RUNX1T1: variants seen among roughly 807,000 people sequenced by gnomAD.
RUNX1T1 encodes the protein protein CBFA2T1.
RUNX1T1 carries 4 observed loss-of-function variants against 62.8 expected under a neutral mutation model. The ratio of observed to expected loss-of-function variants is 0.06; its 90% CI spans 0.03 to 0.15. The LOEUF is 0.15. RUNX1T1 is among the 10% of genes least tolerant of loss of function. The pLI is 1.00. For synonymous variants in RUNX1T1, 291 were observed against 286.0 expected, an observed-to-expected ratio of 1.02 and a Z score of -0.18; for missense variants, 508 against 754.3, an observed-to-expected ratio of 0.67 and a Z score of 3.82.
At chr8:91,995,458 C>A (rs565302336) in intron 5 of RUNX1T1, among the ~76,000 whole-genome samples, 1 of 152,274 alleles carries the variant, frequency 6.6e-6, no homozygotes, top group Admixed American at 6.5e-5. Context: ...AAGCTCATCA[C>A]CTCATAAGGA....
At chr8:92,037,282 A>G (rs1295705717) in intron 1 of RUNX1T1, among the ~76,000 whole-genome samples, 1 of 152,210 alleles carries the variant, frequency 6.6e-6, no homozygotes, top group East Asian at 1.9e-4. Flanking sequence ...AACTAAGTGA[A>G]AGAAATGTTC....
chr8:92,091,319 G>A (rs1836971891), intron 1 of RUNX1T1, among the ~76,000 whole-genome samples: 1 of 152,180 alleles, frequency 6.6e-6, no homozygotes, highest in Non-Finnish European at 1.5e-5. Flanking sequence ...AACTATTAAA[G>A]GAGATGATTT....
At chr8:91,956,157 A>AT (rs1415837636), downstream of RUNX1T1, 1 of 230,178 alleles carries the variant, frequency 4.3e-6, no homozygotes, top group Non-Finnish European at 8.6e-6. Flanking sequence ...CTCATTTCTA[A>AT]TTTTATCAAA....
intron 1 of RUNX1T1, among the ~76,000 whole-genome samples, chr8:92,058,678 TA>T (rs1831430682): frequency 6.6e-6 from 1 of 152,190 alleles, no homozygotes; most frequent in South Asian, 2.1e-4. Flanking sequence ...GCTCGCAAGA[TA>T]AACCTTCAAG....
chr8:91,989,683 C>T (rs1324773669), intron 6 of RUNX1T1, among the ~76,000 whole-genome samples: 7 of 152,260 alleles, frequency 4.6e-5, no homozygotes, highest in Non-Finnish European at 8.8e-5. Context: ...CTGGTCTCAC[C>T]GTGACCTGAA....
intron 1 of RUNX1T1, among the ~76,000 whole-genome samples, chr8:92,022,046 G>C (rs1032639018): frequency 8.6e-5 from 13 of 151,576 alleles, no homozygotes; most frequent in Middle Eastern, 3.2e-3. Flanking sequence ...CAGCCCTTCT[G>C]TATGATGGAC....
chr8:92,048,045 T>A (rs1003434093), intron 1 of RUNX1T1, among the ~76,000 whole-genome samples: 4 of 152,220 alleles, frequency 2.6e-5, no homozygotes, highest in African/African-American at 9.6e-5. Flanking sequence ...ATAAAAAGTA[T>A]AACTTGTGTA....
downstream of RUNX1T1, chr8:91,955,282 C>T (rs77807575): frequency 2.1e-4 from 47 of 223,046 alleles, no homozygotes; most frequent in Middle Eastern, 1.4e-3. Context: ...ACTAAGTCAA[C>T]GGGTTCCATT....
chr8:92,001,270 C>T lies in RUNX1T1; in HGVS notation c.659+3846G>A, dbSNP rs1819697524. Among the ~76,000 whole-genome samples the T allele has an allele frequency of 1.3e-5, 2 of 152,012 alleles. 1 individual carries two copies. Among genetic ancestry groups the T allele is most frequent in the Admixed American group, 1.3e-4 (2 of 15,272 alleles). On this transcript the variant is annotated intron_variant, in intron 5 of 10. Transcript: ENST00000396218. Reference sequence around the variant, plus strand: ...AAAGGCAGGGTGTGGTGGCTCATGCCTATAATCTCAACACTTTGGGAGGCC... The same window carrying T: ...AAAGGCAGGGTGTGGTGGCTCATGCTTATAATCTCAACACTTTGGGAGGCC...
At chr8:91,990,645 C>CTT (rs34688927) in intron 6 of RUNX1T1, among the ~76,000 whole-genome samples, 3,025 of 145,626 alleles carry the variant, frequency 0.021, 99 homozygotes, top group African/African-American at 0.071. Flanking sequence ...TGCTTTACTA[C>CTT]TTTTTTTTTT....
intron 1 of RUNX1T1, among the ~76,000 whole-genome samples, chr8:92,094,206 G>C (rs1183466154): frequency 6.6e-6 from 1 of 152,146 alleles, no homozygotes; most frequent in Admixed American, 6.6e-5. Context: ...CTGTCAACAA[G>C]GAAACATGCC....
exon 11 of RUNX1T1, chr8:91,960,061 G>A (rs1586675362): frequency 1.6e-6 from 1 of 628,938 alleles, no homozygotes; most frequent in Non-Finnish European, 2.8e-6. Context: ...ACCCGTTACT[G>A]GCCCTCTGTG....
intron 3 of RUNX1T1, among the ~76,000 whole-genome samples, chr8:92,012,787 C>T (rs1439126569): frequency 6.6e-6 from 1 of 151,666 alleles, no homozygotes; most frequent in Non-Finnish European, 1.5e-5. Context: ...AAATGGTAGT[C>T]CTGAGAATTA....
At chr8:91,966,907 G>A (rs984519486) in intron 10 of RUNX1T1, among the ~76,000 whole-genome samples, 11 of 152,018 alleles carry the variant, frequency 7.2e-5, no homozygotes, top group Non-Finnish European at 1.5e-5. Flanking sequence ...AATAGATACA[G>A]TACACAATTA....
chr8:92,010,623 G>A lies in RUNX1T1; in HGVS notation c.477+379C>T, dbSNP rs145880726. 1,291 of 158,744 alleles carry A rather than the reference G, an allele frequency of 8.1e-3. 9 individuals are homozygous for A. Among genetic ancestry groups the A allele is most frequent in the Non-Finnish European group, 0.01 (733 of 72,544 alleles). The allele number at this position is 158,744 out of a possible 1,614,324, so 9.8% of individuals were successfully genotyped here. On this transcript the variant is annotated intron_variant, in intron 4 of 10. Transcript: ENST00000396218. Reference sequence around the variant, plus strand: ...AAAAGGATGACGGTCTGATCTTCCCGTTAAGTTGTTACAAAGATAAAATTA... The same window carrying A: ...AAAAGGATGACGGTCTGATCTTCCCATTAAGTTGTTACAAAGATAAAATTA...
chr8:92,073,233 T>A (rs1054524854), intron 2 of RUNX1T1, among the ~76,000 whole-genome samples: 2 of 152,160 alleles, frequency 1.3e-5, no homozygotes, highest in Non-Finnish European at 2.9e-5. Context: ...CGGCTCCAAA[T>A]GGCATTCTAG....
intron 8 of RUNX1T1, among the ~76,000 whole-genome samples, chr8:91,980,311 A>G (rs886435269): frequency 6.6e-6 from 1 of 152,244 alleles, no homozygotes; most frequent in African/African-American, 2.4e-5. Context: ...AAAGAAATCA[A>G]TACAAGGGTA....
chr8:91,984,728 T>A (rs1331806418), intron 8 of RUNX1T1, among the ~76,000 whole-genome samples: 1 of 152,190 alleles, frequency 6.6e-6, no homozygotes, highest in East Asian at 1.9e-4. Context: ...TTAATCAATT[T>A]TTGTTCATAA....
chr8:91,985,318 AC>A, intron 8 of RUNX1T1, among the ~76,000 whole-genome samples: 1 of 152,368 alleles, frequency 6.6e-6, no homozygotes, highest in Middle Eastern at 3.4e-3. Flanking sequence ...CACAGGCCAC[AC>A]AAAAATTCTT....
Sources: allele counts gnomAD v4.1 joint callset (sites outside exome capture counted in the v4.1 genomes callset), GRCh38; gene constraint gnomAD v4.1.1; transcripts MANE v1.5; gene names NCBI Gene and HGNC (gene_info 2026-07-23, HGNC 2026-07-21).